IL4I1: variants seen among roughly 807,000 people sequenced by gnomAD.
IL4I1 encodes interleukin 4 induced 1.
IL4I1 carries 24 observed loss-of-function variants against 29.7 expected under a neutral mutation model. The ratio of observed to expected loss-of-function variants is 0.81; its 90% CI spans 0.59 to 1.14. The LOEUF (loss-of-function observed/expected upper bound fraction) is 1.14. IL4I1 is among the 50% of genes most tolerant of loss of function. The pLI is 0.00. For synonymous variants in IL4I1, 371 were observed against 352.5 expected, an observed-to-expected ratio of 1.05 and a Z score of -0.59; for missense variants, 686 against 785.6, an observed-to-expected ratio of 0.87 and a Z score of 1.52.
chr19:49,916,768 A>C (rs1312243022), intron 2 of IL4I1, among the ~76,000 whole-genome samples: 1 of 152,018 alleles, frequency 6.6e-6, no homozygotes, highest in Non-Finnish European at 1.5e-5. Context: ...CGTCTCAAAA[A>C]CAAAAAAACA....
At chr19:49,894,065 C>G (rs967668929) in intron 5 of IL4I1, among the ~76,000 whole-genome samples, 1 of 150,172 alleles carries the variant, frequency 6.7e-6, no homozygotes, top group Non-Finnish European at 1.5e-5. Context: ...CTGGCCCATT[C>G]TCATTCTCGG....
intron 2 of IL4I1, among the ~76,000 whole-genome samples, chr19:49,922,335 G>A (rs1400666134): frequency 6.6e-6 from 1 of 152,164 alleles, no homozygotes. Context: ...GGATTAGGAA[G>A]AGAGTAATAA....
chr19:49,891,036 A>G lies in IL4I1; in HGVS notation c.708T>C (p.Asp236=). 6.2e-7 allele frequency: 1 copy of G among 1,610,866 alleles called. No homozygotes were observed. The highest frequency in any genetic ancestry group is 8.5e-7 in the Non-Finnish European group (1 of 1,179,240). ...CGGCGAAGCTGAGATAGAAGAAGCC[A>G]TCCTCGGACATCACGTCTCCCAGAA... ...VQLLGDVMSE[D]GFFYLSFAEA... Residue 236 remains aspartate, a synonymous_variant, in exon 7 of 8, where the codon GAT becomes GAC. Transcript: ENST00000391826.
At chr19:49,913,295 G>A (rs1268544486) in intron 2 of IL4I1, 1 of 152,276 alleles carries the variant, frequency 6.6e-6, no homozygotes, top group East Asian at 1.9e-4. Context: ...ACATTCCAAA[G>A]AGAGAAAATG....
intron 4 of IL4I1, 40 bp from the exon 5 acceptor site, chr19:49,894,509 G>C: frequency 1.9e-6 from 3 of 1,588,378 alleles, no homozygotes; most frequent in Non-Finnish European, 2.6e-6. Context: ...GGGCTCCAGT[G>C]GGGGTGGCCT....
At position 49,890,456 on chromosome 19, in the gene IL4I1, C is replaced by T. The variant is rs755683593; in HGVS notation, c.918G>A (p.Pro306=). 2.5e-6 allele frequency: 4 copies of T among 1,611,934 alleles called. No individual in the cohort carries two copies. Among genetic ancestry groups the T allele is most frequent in the East Asian group, 2.2e-5 (1 of 44,850 alleles). Residue 306 remains proline, a synonymous_variant, in exon 8 of 8, where the codon CCG becomes CCA. Transcript: ENST00000391826. ...DVHVQIETSP[P]ARNLKVLKAD... is the part of the protein sequence containing the mutation. ...CCTTCAGCACCTTCAGATTCCGCGC[C>T]GGGGGAGAGGTCTCGATCTGCACGT... is the stretch of plus-strand genomic sequence containing the variant.
Position 49,925,449 on chromosome 19 carries a change from C to CA in IL4I1, c.-228+2244dup, listed in dbSNP as rs56199048. Reference sequence around the variant, plus strand: ...CCCCCCCATCTCTACTAAAAAAAGCCAAAAAAAAAAAAAAATAGCATCCTA... The same window carrying CA: ...CCCCCCCATCTCTACTAAAAAAAGCCAAAAAAAAAAAAAAAATAGCATCCTA... On this transcript the variant is annotated intron_variant, in intron 2 of 9. Transcript: ENST00000341114. Among the ~76,000 whole-genome samples, 453 of 132,836 alleles carry CA rather than the reference C, an allele frequency of 3.4e-3. 4 individuals carry two copies. The highest frequency in any genetic ancestry group is 9.3e-3 in the South Asian group (40 of 4,316). 87.1% of individuals were successfully genotyped at this position (132,836 alleles called of 152,430 possible).
chr19:49,907,355 C>T (rs1402669534), intron 2 of IL4I1: 1 of 315,718 alleles, frequency 3.2e-6, no homozygotes, highest in African/African-American at 2.3e-5. Context: ...CCTCTCGGCG[C>T]CCATCTGTGG....
upstream of IL4I1, among the ~76,000 whole-genome samples, chr19:49,899,714 G>A (rs774975307): frequency 2.6e-5 from 4 of 151,970 alleles, no homozygotes; most frequent in Non-Finnish European, 4.4e-5. Context: ...CTGCCACCAC[G>A]TCCGGCTAAT....
At chr19:49,894,502 C>G in intron 4 of IL4I1, 33 bp from the exon 5 acceptor site, 1 of 1,599,138 alleles carries the variant, frequency 6.3e-7, no homozygotes, top group Non-Finnish European at 8.6e-7. Context: ...GAGGGCCGGG[C>G]TCCAGTGGGG....
intron 2 of IL4I1, chr19:49,909,948 TG>T (rs1320559686): frequency 1.2e-6 from 1 of 845,396 alleles, no homozygotes; most frequent in Non-Finnish European, 2.0e-6. Flanking sequence ...GTGGCATGAC[TG>T]GGCACAGTCG....
rs182442325 is a variant in IL4I1 at position 49,927,686 on chromosome 19, G to A, written c.-228+8C>T. On this transcript the variant is annotated splice_region_variant and intron_variant, in intron 2 of 9. Transcript: ENST00000341114. ...CAGGTAAGGAAGGAGAAAGAAGCTT[G>A]TGTGTACCGCTCAGTATCAGGATTC... 4.4e-3 allele frequency: 675 copies of A among 152,376 alleles called. 3 individuals carry two copies. The highest frequency in any genetic ancestry group is 7.8e-3 in the Non-Finnish European group (533 of 68,046). The allele number at this position is 152,376 out of a possible 1,614,324, so 9.4% of individuals were successfully genotyped here. A position where few individuals can be genotyped will look rare whatever the true frequency, so the allele number is the denominator to read the frequency against.
At position 49,893,770 on chromosome 19, in the gene IL4I1, C is replaced by T. The variant is rs147063097; in HGVS notation, c.567+498G>A. 7.4e-3 allele frequency among the ~76,000 whole-genome samples: 1,118 copies of T among 151,434 alleles called. 15 individuals are homozygous for T. Among genetic ancestry groups the T allele is most frequent in the African/African-American group, 0.026 (1,083 of 41,246 alleles). ...TTGGGAGGCTGAGGCAGGTGGATCA[C>T]GAGGTCAGGAGTTCAAGATCAGCCT... On this transcript the variant is annotated intron_variant, in intron 5 of 7. Coordinates refer to ENST00000391826, the MANE Select transcript of IL4I1 (RefSeq NM_152899.2).
intron 3 of IL4I1, among the ~76,000 whole-genome samples, chr19:49,903,322 C>A (rs887994738): frequency 3.3e-5 from 5 of 152,182 alleles, no homozygotes; most frequent in African/African-American, 1.2e-4. Flanking sequence ...CCTCGGGAAA[C>A]CTTTGGCGTC....
At chr19:49,895,702 C>CCCCCAACCCCCCA in intron 3 of IL4I1, 113 bp downstream of exon 3, 3 of 748,610 alleles carry the variant, frequency 4.0e-6, no homozygotes, top group Non-Finnish European at 4.4e-6. Flanking sequence ...AGCCTCTCCC[C>CCCCCAACCCCCCA]CCACATCCCC....
chr19:49,894,835 G>A (rs2075184309), intron 4 of IL4I1, among the ~76,000 whole-genome samples: 1 of 152,060 alleles, frequency 6.6e-6, no homozygotes, highest in Middle Eastern at 3.4e-3. Context: ...CACAGGAGCT[G>A]GCTTTTGCAC....
chr19:49,890,193 A>G lies in IL4I1; in HGVS notation c.1181T>C (p.Leu394Pro). 6.5e-7 allele frequency: 1 copy of G among 1,544,608 alleles called. No homozygotes were observed. The highest frequency in any genetic ancestry group is 8.7e-7 in the Non-Finnish European group (1 of 1,143,204). ...GTCCGACCACGTGTACGAGGCCAGC[A>G]GCAGCGCGCCCTCGCGCGGCGGCGG... is the stretch of plus-strand genomic sequence containing the variant. Reference protein sequence around the residue: ...FYPPPREGALLLASYTWSDAA... With the variant: ...FYPPPREGALPLASYTWSDAA... The change falls in exon 8 of 8, where the codon CTG (leucine) becomes CCG (proline). Residue 394 changes from leucine to proline, a missense_variant. By Grantham distance (98) the Leu-to-Pro change is moderately conservative. Coordinates refer to ENST00000391826, the MANE Select transcript of IL4I1 (RefSeq NM_152899.2).
At chr19:49,917,424 T>C (rs1255371626) in intron 2 of IL4I1, among the ~76,000 whole-genome samples, 2 of 152,122 alleles carry the variant, frequency 1.3e-5, no homozygotes, top group Non-Finnish European at 2.9e-5. Flanking sequence ...CCCTAAACCT[T>C]GAATAACAGA....
chr19:49,897,007 A>G, upstream of IL4I1: 1 of 407,258 alleles, frequency 2.5e-6, no homozygotes, highest in Non-Finnish European at 3.3e-6. Context: ...TCCAATGCTC[A>G]GAGTCTAGTT....
Sources: allele counts gnomAD v4.1 joint callset (sites outside exome capture counted in the v4.1 genomes callset), GRCh38; gene constraint gnomAD v4.1.1; transcripts MANE v1.5; gene names NCBI Gene and HGNC (gene_info 2026-07-23, HGNC 2026-07-21).